The following DLGAP1 variants were observed in gnomAD, a reference collection of about 807,000 sequenced individuals.
The protein encoded by DLGAP1 is DLG associated protein 1.
In DLGAP1, 11 loss-of-function variants were observed where a neutral mutation model predicts 90.8. The ratio of observed to expected loss-of-function variants is 0.12; its 90% confidence interval spans 0.08 to 0.20. DLGAP1 has a LOEUF of 0.20. Ranked by LOEUF, DLGAP1 falls within the 10% of genes least tolerant of loss-of-function variation. The probability of loss-of-function intolerance (pLI) is 1.00; values close to 1 mark genes in which losing one functional copy is unlikely to be tolerated. For synonymous variants in DLGAP1, 558 were observed against 540.7 expected, an observed-to-expected ratio of 1.03 and a Z score of -0.44; for missense variants, 1,050 against 1,333.8, an observed-to-expected ratio of 0.79 and a Z score of 3.31.
At chr18:4,209,407 T>C (rs9958565) in intron 1 of DLGAP1, among the ~76,000 whole-genome samples, 26,094 of 152,186 alleles carry the variant, frequency 0.17, 4,697 homozygotes, top group African/African-American at 0.46. Context: ...AAGCCTGCTC[T>C]TTCAATCCTG....
In DLGAP1 at chr18:3,702,352, T is replaced by C. The variant is rs577694083; in HGVS notation, c.1591+26783A>G. 5.3e-5 allele frequency among the ~76,000 whole-genome samples: 8 copies of C among 152,350 alleles called. No homozygotes were observed. The South Asian group carries it at 1.7e-3, about 32-fold the overall frequency. On this transcript the variant is annotated intron_variant, in intron 7 of 12. Coordinates refer to ENST00000315677, the MANE Select transcript of DLGAP1 (RefSeq NM_004746.4). ...CTACCTTGAATTTTAAAATAGCAGG[T>C]GTGCTTCATGGTGCTCAATTGGATA...
chr18:4,034,037 C>CTTTT lies in DLGAP1; in HGVS notation c.-158-28840_-158-28837dup, dbSNP rs1212913784. 3.0e-4 allele frequency among the ~76,000 whole-genome samples: 33 copies of CTTTT among 111,208 alleles called. 1 individual carries two copies. In the East Asian group the frequency reaches 6.3e-3, roughly 21 times the overall value. 73.0% of individuals were successfully genotyped at this position (111,208 alleles called of 152,430 possible). ...GGGGCATGAGCCACCGCGCCCGGCC[C>CTTTT]TTTTTTTTTTTTTTTTTTTCTGAGA... On this transcript the variant is annotated intron_variant, in intron 2 of 12. Coordinates refer to ENST00000315677, the MANE Select transcript of DLGAP1 (RefSeq NM_004746.4).
At chr18:4,403,931 T>G (rs544949108) in intron 1 of DLGAP1, among the ~76,000 whole-genome samples, 1 of 143,564 alleles carries the variant, frequency 7.0e-6, no homozygotes, top group African/African-American at 2.4e-5. Context: ...TCTGCAGCCC[T>G]TTTTCCCACT....
chr18:3,988,394 T>C (rs373488419), intron 3 of DLGAP1, among the ~76,000 whole-genome samples: 5 of 152,178 alleles, frequency 3.3e-5, no homozygotes, highest in East Asian at 1.9e-4. Flanking sequence ...CTGTAAGCGA[T>C]TGACTTATTA....
chr18:4,302,246 G>A (rs573404684), intron 1 of DLGAP1, among the ~76,000 whole-genome samples: 22 of 152,078 alleles, frequency 1.4e-4, no homozygotes, highest in African/African-American at 4.6e-4. Context: ...TTTTTCCCCC[G>A]TATTTTCTTC....
intron 7 of DLGAP1, among the ~76,000 whole-genome samples, chr18:3,669,037 G>C (rs2059983525): frequency 6.6e-6 from 1 of 151,830 alleles, no homozygotes; most frequent in Non-Finnish European, 1.5e-5. Context: ...CATAATATTT[G>C]ACATGTTAAT....
rs1297930902 is a variant in DLGAP1, at chr18:3,823,014, A to G, written c.958-8741T>C. Among the ~76,000 whole-genome samples the G allele has an allele frequency of 2.0e-5, 3 of 152,190 alleles. No homozygotes were observed. In the East Asian group the frequency reaches 5.8e-4, roughly 29 times the overall value. On this transcript the variant is annotated intron_variant, in intron 4 of 12. Transcript: ENST00000315677. Reference sequence around the variant, plus strand: ...GTATGATGTAGGGACAGGAAGGGAAATGAATTTTATTAATTATTCACCCAC... The same window carrying G: ...GTATGATGTAGGGACAGGAAGGGAAGTGAATTTTATTAATTATTCACCCAC...
intron 2 of DLGAP1, among the ~76,000 whole-genome samples, chr18:4,108,396 C>G (rs866197483): frequency 1.3e-4 from 20 of 152,192 alleles, no homozygotes; most frequent in Admixed American, 3.9e-4. Context: ...CTGAAGGCTC[C>G]TACGTCAGGT....
At chr18:4,251,499 T>C (rs1282805630) in intron 1 of DLGAP1, among the ~76,000 whole-genome samples, 1 of 152,132 alleles carries the variant, frequency 6.6e-6, no homozygotes, top group Non-Finnish European at 1.5e-5. Context: ...AGTTATGCAG[T>C]TTGCTCAGAG....
chr18:4,387,703 C>T (rs897088516), intron 1 of DLGAP1, among the ~76,000 whole-genome samples: 3 of 152,066 alleles, frequency 2.0e-5, no homozygotes, highest in African/African-American at 2.4e-5. Context: ...GAGGCTGAGG[C>T]GGGCAGATCA....
intron 2 of DLGAP1, among the ~76,000 whole-genome samples, chr18:4,024,183 CTTA>C (rs1236689332): frequency 6.6e-6 from 1 of 152,182 alleles, no homozygotes; most frequent in South Asian, 2.1e-4. Context: ...TATCATCCCT[CTTA>C]TTAATTGTTC....
chr18:3,907,212 A>C (rs539957647), intron 3 of DLGAP1, among the ~76,000 whole-genome samples: 1 of 152,208 alleles, frequency 6.6e-6, no homozygotes, highest in South Asian at 2.1e-4. Flanking sequence ...TTCCTGATAC[A>C]GTATTAGGAA....
At chr18:4,316,883 A>C (rs9944973) in intron 1 of DLGAP1, among the ~76,000 whole-genome samples, 37,318 of 151,980 alleles carry the variant, frequency 0.25, 4,662 homozygotes, top group Middle Eastern at 0.29. Context: ...CAGCTTATTT[A>C]GGATAGGGAC....
At chr18:4,371,424 A>G (rs1210795209) in intron 1 of DLGAP1, among the ~76,000 whole-genome samples, 1 of 152,206 alleles carries the variant, frequency 6.6e-6, no homozygotes, top group Non-Finnish European at 1.5e-5. Context: ...TTTCCATAAA[A>G]TATTTGTTAG....
At chr18:4,380,742 A>G (rs1300500981) in intron 1 of DLGAP1, among the ~76,000 whole-genome samples, 3 of 152,196 alleles carry the variant, frequency 2.0e-5, no homozygotes, top group Admixed American at 2.0e-4. Flanking sequence ...CGGCTTGTAT[A>G]CTAATTAACG....
At chr18:3,964,200 G>A (rs2073271724) in intron 3 of DLGAP1, among the ~76,000 whole-genome samples, 1 of 152,106 alleles carries the variant, frequency 6.6e-6, no homozygotes, top group African/African-American at 2.4e-5. Context: ...TTTAAAAAAG[G>A]GGCAGTGCAG....
At chr18:4,209,641 A>C (rs1439813335) in intron 1 of DLGAP1, among the ~76,000 whole-genome samples, 1 of 152,214 alleles carries the variant, frequency 6.6e-6, no homozygotes, top group African/African-American at 2.4e-5. Context: ...GGGAACAAGA[A>C]CATGTATAAA....
intron 7 of DLGAP1, among the ~76,000 whole-genome samples, chr18:3,649,648 G>A (rs76564160): frequency 0.019 from 2,934 of 152,292 alleles, 91 homozygotes; most frequent in African/African-American, 0.067. Flanking sequence ...GCAAATAGCG[G>A]CTCCTTGCCA....
intron 1 of DLGAP1, among the ~76,000 whole-genome samples, chr18:4,390,865 A>G (rs2082326976): frequency 6.6e-6 from 1 of 152,132 alleles, no homozygotes; most frequent in Admixed American, 6.6e-5. Context: ...ACTGTTTTTC[A>G]CGGTTCCTCC....
Sources: allele counts gnomAD v4.1 joint callset (sites outside exome capture counted in the v4.1 genomes callset), GRCh38; gene constraint gnomAD v4.1.1; transcripts MANE v1.5; gene names NCBI Gene and HGNC (gene_info 2026-07-23, HGNC 2026-07-21).